The following RYR2 variants were observed in gnomAD, a reference collection of about 807,000 sequenced individuals.
The protein encoded by RYR2 is ryanodine receptor 2, also known as cardiac muscle ryanodine receptor-calcium release channel.
RYR2 carries 227 observed loss-of-function variants against 601.1 expected under a neutral mutation model. The observed-to-expected ratio is 0.38, with a 90% CI of 0.34 to 0.42. The LOEUF is 0.42. Among genes scored for constraint, RYR2 ranks in the 10% least tolerant of loss-of-function variants. The probability of loss-of-function intolerance (pLI) is 1.00; values close to 1 mark genes in which losing one functional copy is unlikely to be tolerated. For synonymous variants in RYR2, 2,223 were observed against 2,175.1 expected, an observed-to-expected ratio of 1.02 and a Z score of -0.61; for missense variants, 4,646 against 6,156.5, an observed-to-expected ratio of 0.75 and a Z score of 8.21.
chr1:237,074,386 C>T (rs555078208), intron 1 of RYR2, among the ~76,000 whole-genome samples: 3 of 152,228 alleles, frequency 2.0e-5, no homozygotes, highest in South Asian at 2.1e-4. Context: ...CCATAACCTA[C>T]GTACTAACTG....
chr1:237,071,653 C>T (rs1201203923), intron 1 of RYR2, among the ~76,000 whole-genome samples: 1 of 151,834 alleles, frequency 6.6e-6, no homozygotes, highest in Non-Finnish European at 1.5e-5. Flanking sequence ...GGAACTGGCC[C>T]CCTGGCCCCC....
At chr1:237,122,966 T>C (rs775172490) in intron 1 of RYR2, among the ~76,000 whole-genome samples, 1 of 152,244 alleles carries the variant, frequency 6.6e-6, no homozygotes, top group Non-Finnish European at 1.5e-5. Flanking sequence ...TGAAAAGACA[T>C]GTATATCTTC....
chr1:237,529,529 A>G (rs528845361), intron 24 of RYR2, among the ~76,000 whole-genome samples: 19 of 152,126 alleles, frequency 1.2e-4, no homozygotes, highest in Non-Finnish European at 2.6e-4. Context: ...CAACCTATCC[A>G]CACATTATTA....
chr1:237,592,670 T>C (rs1675345089), intron 32 of RYR2, among the ~76,000 whole-genome samples: 1 of 148,392 alleles, frequency 6.7e-6, no homozygotes, highest in Non-Finnish European at 1.5e-5. Flanking sequence ...CAAAATGTTA[T>C]GTGTCAGAGA....
intron 28 of RYR2, among the ~76,000 whole-genome samples, chr1:237,567,755 G>A (rs1178863561): frequency 6.6e-6 from 1 of 151,308 alleles, no homozygotes; most frequent in Admixed American, 6.6e-5. Flanking sequence ...GGGGGAAAAA[G>A]CTACTTTTTA....
chr1:237,747,396 TTC>T (rs1214170115), intron 80 of RYR2, among the ~76,000 whole-genome samples: 1 of 152,228 alleles, frequency 6.6e-6, no homozygotes, highest in Non-Finnish European at 1.5e-5. Context: ...AACCAGCATA[TTC>T]TCTCAGATGG....
At chr1:237,274,481 G>A (rs1690060791) in intron 2 of RYR2, among the ~76,000 whole-genome samples, 1 of 152,080 alleles carries the variant, frequency 6.6e-6, no homozygotes, top group Non-Finnish European at 1.5e-5. Context: ...TCATACAGCT[G>A]TGTTTGTATT....
chr1:237,144,219 A>G (rs991529122), intron 1 of RYR2, among the ~76,000 whole-genome samples: 1 of 152,200 alleles, frequency 6.6e-6, no homozygotes, highest in Non-Finnish European at 1.5e-5. Context: ...TGACCCTTTT[A>G]TATAGCCAAG....
intron 2 of RYR2, among the ~76,000 whole-genome samples, chr1:237,289,058 G>A (rs190264812): frequency 3.3e-5 from 5 of 152,250 alleles, no homozygotes; most frequent in East Asian, 3.9e-4. Context: ...AACTTTTCAC[G>A]CAAACAGACC....
chr1:237,586,853 G>A (rs929978906), intron 29 of RYR2, among the ~76,000 whole-genome samples: 2 of 151,922 alleles, frequency 1.3e-5, no homozygotes, highest in African/African-American at 4.8e-5. Context: ...CCAAGTAACT[G>A]GGACTACAGG....
intron 24 of RYR2, among the ~76,000 whole-genome samples, chr1:237,525,665 G>A (rs1340527729): frequency 6.6e-6 from 1 of 151,910 alleles, no homozygotes; most frequent in African/African-American, 2.4e-5. Flanking sequence ...TGTTCAGGCT[G>A]GTCTCAAACG....
intron 55 of RYR2, 143 bp downstream of exon 55, chr1:237,660,217 A>AG: frequency 2.3e-6 from 1 of 439,724 alleles, no homozygotes; most frequent in South Asian, 8.2e-5. Context: ...TAAAAAAAAA[A>AG]CCTTCTTATA....
chr1:237,051,619 T>C (rs1661293908), intron 1 of RYR2, among the ~76,000 whole-genome samples: 1 of 152,148 alleles, frequency 6.6e-6, no homozygotes, highest in East Asian at 1.9e-4. Flanking sequence ...CGCCGTGGCC[T>C]ACCTACTGCT....
intron 1 of RYR2, among the ~76,000 whole-genome samples, chr1:237,129,597 A>C (rs1671928611): frequency 6.6e-6 from 1 of 151,812 alleles, no homozygotes; most frequent in Non-Finnish European, 1.5e-5. Context: ...AATCCACCTA[A>C]GTGTCTATAA....
At chr1:237,110,380 G>A (rs1669325822) in intron 1 of RYR2, among the ~76,000 whole-genome samples, 1 of 151,222 alleles carries the variant, frequency 6.6e-6, no homozygotes, top group Non-Finnish European at 1.5e-5. Context: ...TCGTCATTTA[G>A]CATTAGGTAT....
Position 237,833,857 on chromosome 1 carries a change from A to T in RYR2, c.*1210A>T, listed in dbSNP as rs1664093072. 1 of 152,648 alleles carries T rather than the reference A, an allele frequency of 6.6e-6. No homozygotes were observed. The highest frequency in any genetic ancestry group is 1.5e-5 in the Non-Finnish European group (1 of 68,032). The allele number at this position is 152,648 out of a possible 1,614,324, so 9.5% of individuals were successfully genotyped here. ...TTTGAGTCCTTTTAAATGTAATGCT[A>T]ACCTTTACAATTAAAAAGTCAGATT... On this transcript the variant is annotated 3_prime_UTR_variant, in exon 105 of 105. Transcript: ENST00000366574.
intron 3 of RYR2, among the ~76,000 whole-genome samples, chr1:237,333,032 T>G (rs968994653): frequency 1.3e-5 from 2 of 152,220 alleles, no homozygotes; most frequent in African/African-American, 2.4e-5. Context: ...TTTCTGGATC[T>G]CCTCAAGTAT....
At chr1:237,577,125 G>C (rs944429245) in intron 29 of RYR2, among the ~76,000 whole-genome samples, 1 of 152,158 alleles carries the variant, frequency 6.6e-6, no homozygotes. Context: ...CTACACTAGT[G>C]TGTCTCAACA....
intron 27 of RYR2, among the ~76,000 whole-genome samples, chr1:237,557,128 G>A (rs569857307): frequency 6.6e-6 from 1 of 152,260 alleles, no homozygotes; most frequent in African/African-American, 2.4e-5. Context: ...CTCTCTGGCT[G>A]TTGGCAGAAG....
Sources: allele counts gnomAD v4.1 joint callset (sites outside exome capture counted in the v4.1 genomes callset), GRCh38; gene constraint gnomAD v4.1.1; transcripts MANE v1.5; gene names NCBI Gene and HGNC (gene_info 2026-07-23, HGNC 2026-07-21).